Variants in NLGN1 observed in about 807,000 individuals in gnomAD.
NLGN1 encodes the protein neuroligin 1.
Under a neutral mutation model 65.5 loss-of-function variants are expected in NLGN1, and 12 were observed. The ratio of observed to expected loss-of-function variants is 0.18; its 90% CI spans 0.12 to 0.30. The LOEUF is 0.30. NLGN1 is among the 10% of genes least tolerant of loss of function. The pLI is 1.00. For synonymous variants in NLGN1, 350 were observed against 359.5 expected (o/e 0.97, Z 0.30); for missense variants, 750 against 1,007.1 (o/e 0.74, Z 3.46).
At chr3:174,175,945 A>T (rs536036036) in intron 4 of NLGN1, among the ~76,000 whole-genome samples, 2 of 151,870 alleles carry the variant, frequency 1.3e-5, no homozygotes, top group Non-Finnish European at 2.9e-5. Flanking sequence ...TTATAGTACA[A>T]ATATTAGATT....
rs541592803 is a variant in NLGN1 at position 173,513,715 on chromosome 3, T to C, written c.-321+78637T>C. 9.2e-5 allele frequency among the ~76,000 whole-genome samples: 14 copies of C among 152,244 alleles called. No individual in the cohort carries two copies. The South Asian group carries it at 2.9e-3, about 32-fold the overall frequency. ...GATATGTTCTCACTGTTTGGTGAAA[T>C]CTTCCATCACTTTCATTAATATATG... On this transcript the variant is annotated intron_variant, in intron 2 of 6. Transcript: ENST00000457714.
At chr3:173,446,964 G>A (rs1423601615) in intron 2 of NLGN1, among the ~76,000 whole-genome samples, 1 of 152,014 alleles carries the variant, frequency 6.6e-6, no homozygotes, top group Non-Finnish European at 1.5e-5. Flanking sequence ...CTGGATATTA[G>A]CCCTTTGTCA....
At chr3:174,113,940 A>T (rs1196911256) in intron 4 of NLGN1, among the ~76,000 whole-genome samples, 1 of 152,178 alleles carries the variant, frequency 6.6e-6, no homozygotes, top group Non-Finnish European at 1.5e-5. Context: ...GATTGATAAC[A>T]GTAGAACTGA....
At chr3:173,686,255 C>T (rs146300902) in intron 3 of NLGN1, among the ~76,000 whole-genome samples, 56 of 148,942 alleles carry the variant, frequency 3.8e-4, no homozygotes, top group African/African-American at 1.3e-3. Flanking sequence ...AGAAAGCAAA[C>T]GCAAAGCGCT....
chr3:174,167,783 C>G (rs1271751383), intron 4 of NLGN1, among the ~76,000 whole-genome samples: 5 of 151,670 alleles, frequency 3.3e-5, no homozygotes, highest in African/African-American at 1.2e-4. Context: ...TTTATTATTC[C>G]TTCAAATATG....
intron 2 of NLGN1, among the ~76,000 whole-genome samples, chr3:173,442,993 T>C (rs1234886701): frequency 6.6e-6 from 1 of 152,078 alleles, no homozygotes; most frequent in East Asian, 1.9e-4. Context: ...TTGAAGCCAG[T>C]TGGGGTCTAT....
At chr3:174,182,875 G>C (rs1269626480) in intron 4 of NLGN1, among the ~76,000 whole-genome samples, 1 of 152,078 alleles carries the variant, frequency 6.6e-6, no homozygotes, top group Non-Finnish European at 1.5e-5. Flanking sequence ...CATTGCCGCT[G>C]TCTCTCTACC....
chr3:174,195,682 C>A (rs4311222), intron 4 of NLGN1, among the ~76,000 whole-genome samples: 31,433 of 152,086 alleles, frequency 0.21, 3,671 homozygotes, highest in African/African-American at 0.31. Flanking sequence ...TATTATCTTG[C>A]TGCTACATGC....
intron 2 of NLGN1, among the ~76,000 whole-genome samples, chr3:173,453,871 A>C (rs1390549054): frequency 1.8e-4 from 27 of 152,178 alleles, no homozygotes; most frequent in Non-Finnish European, 1.5e-5. Context: ...TCTTATTGGA[A>C]TTTATAATGC....
intron 4 of NLGN1, among the ~76,000 whole-genome samples, chr3:173,996,784 A>G (rs1229274700): frequency 1.3e-5 from 2 of 152,214 alleles, no homozygotes; most frequent in African/African-American, 4.8e-5. Flanking sequence ...TAAAGAAGAG[A>G]ATATGCAACA....
At chr3:173,539,756 T>TATATGTACATATATAAC (rs1560407319) in intron 2 of NLGN1, among the ~76,000 whole-genome samples, 1 of 85,516 alleles carries the variant, frequency 1.2e-5, no homozygotes, top group African/African-American at 6.1e-5. Flanking sequence ...ATATATAACA[T>TATATGTACATATATAAC]ATACATGTAC....
At chr3:173,722,066 C>A (rs954824776) in intron 3 of NLGN1, among the ~76,000 whole-genome samples, 1 of 152,036 alleles carries the variant, frequency 6.6e-6, no homozygotes, top group Non-Finnish European at 1.5e-5. Context: ...AAACACCTTA[C>A]ATGATGACAC....
chr3:173,797,399 G>A lies in NLGN1; in HGVS notation c.494-10281G>A, dbSNP rs192894417. On this transcript the variant is annotated intron_variant, in intron 3 of 6. Transcript: ENST00000457714. ...AATCACTAAAATACTGCTGTAATTC[G>A]TACTATGGGAAAAAACTTACTGTCA... Among the ~76,000 whole-genome samples, 227 of 151,990 alleles carry A rather than the reference G, an allele frequency of 1.5e-3. 1 individual carries two copies. The highest frequency in any genetic ancestry group is 1.4e-3 in the East Asian group (7 of 5,170).
At chr3:174,068,388 C>T (rs1003467713) in intron 4 of NLGN1, among the ~76,000 whole-genome samples, 1 of 151,974 alleles carries the variant, frequency 6.6e-6, no homozygotes, top group Non-Finnish European at 1.5e-5. Context: ...TAGTAGAGCC[C>T]CAGAATGCTT....
At chr3:173,852,532 TC>T (rs1727179870) in intron 4 of NLGN1, among the ~76,000 whole-genome samples, 1 of 152,134 alleles carries the variant, frequency 6.6e-6, no homozygotes, top group Non-Finnish European at 1.5e-5. Flanking sequence ...ATTGAACTAA[TC>T]TTGTATTTCA....
intron 4 of NLGN1, among the ~76,000 whole-genome samples, chr3:174,088,875 G>T (rs1234367073): frequency 6.6e-6 from 1 of 151,630 alleles, no homozygotes; most frequent in Non-Finnish European, 1.5e-5. Context: ...AGTAAAGAAG[G>T]TGCCTGAAAT....
intron 3 of NLGN1, among the ~76,000 whole-genome samples, chr3:173,623,529 A>G (rs1038178818): frequency 2.6e-5 from 4 of 152,124 alleles, no homozygotes; most frequent in Non-Finnish European, 5.9e-5. Flanking sequence ...TGTACCAACA[A>G]GAGAGAATAG....
At chr3:173,979,630 G>T (rs7628764) in intron 4 of NLGN1, among the ~76,000 whole-genome samples, 3,055 of 152,216 alleles carry the variant, frequency 0.02, 98 homozygotes, top group African/African-American at 0.07. Context: ...GTATGATCTG[G>T]TATAACATTA....
At chr3:173,487,777 CTGAG>C (rs1398104884) in intron 2 of NLGN1, among the ~76,000 whole-genome samples, 1 of 151,978 alleles carries the variant, frequency 6.6e-6, no homozygotes, top group South Asian at 2.1e-4. Context: ...GTTGGCCTTT[CTGAG>C]TATTTGCCTA....
Sources: gnomAD v4.1 joint callset for allele counts (sites outside exome capture counted in the v4.1 genomes callset) on GRCh38, gnomAD v4.1.1 for gene constraint, MANE v1.5 for transcripts, NCBI Gene and HGNC (gene_info 2026-07-23, HGNC 2026-07-21) for gene names.